GFOD1: variants seen among roughly 807,000 people sequenced by gnomAD.
GFOD1 encodes glucose-fructose oxidoreductase domain-containing protein 1.
Under a neutral mutation model 25.4 loss-of-function variants are expected in GFOD1, and 9 were observed. The observed-to-expected ratio is 0.35, with a 90% CI of 0.21 to 0.62. The LOEUF is 0.62. Ranked by LOEUF, GFOD1 falls within the 20% of genes least tolerant of loss-of-function variation. The pLI is 0.72. For synonymous variants in GFOD1, 253 were observed against 245.6 expected (o/e 1.03, Z -0.28); for missense variants, 403 against 556.9 (o/e 0.72, Z 2.78).
intron 1 of GFOD1, among the ~76,000 whole-genome samples, chr6:13,431,452 G>A (rs936727955): frequency 2.5e-4 from 38 of 152,124 alleles, no homozygotes; most frequent in African/African-American, 8.5e-4. Flanking sequence ...TTGACTAGCC[G>A]CACTTTCACA....
At position 13,360,814 on chromosome 6, in the gene GFOD1, C is replaced by T. The variant is rs781433489; in HGVS notation, c.*3929G>A. 4.4e-6 allele frequency: 2 copies of T among 456,672 alleles called. No individual in the cohort carries two copies. Among genetic ancestry groups the T allele is most frequent in the South Asian group, 3.1e-5 (2 of 64,558 alleles). 28.3% of individuals were successfully genotyped at this position (456,672 alleles called of 1,614,324 possible). Reference sequence around the variant, plus strand: ...AGTCCTTCCTGGGTGTGAGAGCAGACCCCGTAGACATTGATAAGGAGCGGT... The same window carrying T: ...AGTCCTTCCTGGGTGTGAGAGCAGATCCCGTAGACATTGATAAGGAGCGGT... On this transcript the variant is annotated 3_prime_UTR_variant, in exon 2 of 2. Transcript: ENST00000379287.
At chr6:13,433,519 T>C (rs985570276) in intron 1 of GFOD1, among the ~76,000 whole-genome samples, 4 of 152,156 alleles carry the variant, frequency 2.6e-5, no homozygotes, top group South Asian at 2.1e-4. Flanking sequence ...AGCTCCTCAA[T>C]TGGGACAACC....
intron 1 of GFOD1, among the ~76,000 whole-genome samples, chr6:13,403,188 C>T (rs1206839275): frequency 8.0e-5 from 12 of 149,228 alleles, no homozygotes; most frequent in Non-Finnish European, 1.8e-4. Flanking sequence ...TACAGTGGTG[C>T]GAACTCAGCT....
intron 1 of GFOD1, among the ~76,000 whole-genome samples, chr6:13,481,642 C>A (rs551921401): frequency 6.1e-4 from 93 of 152,296 alleles, no homozygotes; most frequent in African/African-American, 2.1e-3. Flanking sequence ...GAGTAGACTG[C>A]ATAAGAAACA....
Position 13,365,499 on chromosome 6 carries a change from G to A in GFOD1, c.417C>T (p.Tyr139=), listed in dbSNP as rs1236597496. 7 of 1,612,940 alleles carry A rather than the reference G, an allele frequency of 4.3e-6. No individual in the cohort carries two copies. The East Asian group carries it at 1.1e-4, about 26-fold the overall frequency. Residue 139 remains tyrosine, a synonymous_variant, in exon 2 of 2, where the codon TAC becomes TAT. Coordinates refer to ENST00000379287, the MANE Select transcript of GFOD1 (RefSeq NM_018988.4). This position sits in a 1 kb window ranked among gnomAD's most constrained non-coding sequence, Gnocchi z 9.2. ...CCTCACACACCAGCGGCTCGCCCAC[G>A]TAGCCCTCCTCGATCAGCTGCTTCA... ...VRMKQLIEEG[Y]VGEPLVCEVQ...
intron 1 of GFOD1, among the ~76,000 whole-genome samples, chr6:13,459,872 A>G (rs9382114): frequency 0.83 from 125,875 of 152,186 alleles, 52,215 homozygotes; most frequent in Middle Eastern, 0.87. Flanking sequence ...GGTGGCTCAC[A>G]CCTGTAATCC....
intron 1 of GFOD1, among the ~76,000 whole-genome samples, chr6:13,429,587 C>T (rs1757713824): frequency 6.6e-6 from 1 of 152,156 alleles, no homozygotes; most frequent in Non-Finnish European, 1.5e-5. Context: ...AGGTAGTGCC[C>T]TGAGCACAGC....
intron 1 of GFOD1, among the ~76,000 whole-genome samples, chr6:13,378,645 G>A (rs1785301338): frequency 6.6e-6 from 1 of 152,106 alleles, no homozygotes; most frequent in African/African-American, 2.4e-5. Flanking sequence ...GTCCTCCCAG[G>A]GCCCCAGCCT....
At chr6:13,383,438 C>T (rs1251750011) in intron 1 of GFOD1, among the ~76,000 whole-genome samples, 2 of 152,230 alleles carry the variant, frequency 1.3e-5, no homozygotes, top group African/African-American at 4.8e-5. Flanking sequence ...CACTGAGTTA[C>T]ACAAGATTCC....
Position 13,430,844 on chromosome 6 carries a change from C to A in GFOD1, c.253+55794G>T, listed in dbSNP as rs549393492. 6.6e-6 allele frequency among the ~76,000 whole-genome samples: 1 copy of A among 152,312 alleles called. No individual in the cohort carries two copies. The highest frequency in any genetic ancestry group is 1.9e-4 in the East Asian group (1 of 5,178). ...ACCCTCTCTTTCTCCAGGACTCCCT[C>A]CCATCAGGATACCTACCTGAGGACA... On this transcript the variant is annotated intron_variant, in intron 1 of 1. Transcript: ENST00000379287. The surrounding 1 kb of genome is among the most constrained non-coding windows in gnomAD (Gnocchi z 4.1).
chr6:13,411,741 G>A (rs1291538649), intron 1 of GFOD1, among the ~76,000 whole-genome samples: 2 of 152,172 alleles, frequency 1.3e-5, no homozygotes, highest in South Asian at 2.1e-4. Context: ...AGTCAGAGGC[G>A]GGAAGGAGCA....
chr6:13,484,891 G>A (rs142443547), intron 1 of GFOD1, among the ~76,000 whole-genome samples: 5 of 152,152 alleles, frequency 3.3e-5, no homozygotes, highest in African/African-American at 1.2e-4. Flanking sequence ...TTTCAGATAT[G>A]ACCAGTCCTA....
rs1466303327 is a variant in GFOD1 at position 13,361,622 on chromosome 6, A to G, written c.*3121T>C. The G allele has an allele frequency of 6.6e-6, 1 of 152,234 alleles. No individual in the cohort carries two copies. The highest frequency in any genetic ancestry group is 1.5e-5 in the Non-Finnish European group (1 of 68,060). 9.4% of individuals were successfully genotyped at this position (152,234 alleles called of 1,614,324 possible). Reference sequence around the variant, plus strand: ...ATTTCAGCTTCATATAGCTACCCCAAATCAAGTCTTTGCATGTGGTGGGAT... The same window carrying G: ...ATTTCAGCTTCATATAGCTACCCCAGATCAAGTCTTTGCATGTGGTGGGAT... On this transcript the variant is annotated 3_prime_UTR_variant, in exon 2 of 2. Coordinates refer to ENST00000379287, the MANE Select transcript of GFOD1 (RefSeq NM_018988.4).
At position 13,465,552 on chromosome 6, in the gene GFOD1, G is replaced by A. The variant is rs368482701; in HGVS notation, c.253+21086C>T. Reference sequence around the variant, plus strand: ...CTGTAAACAAGTGCTTCTTAACATTGAGGAGCTTTAAAAAACATGTATACC... The same window carrying A: ...CTGTAAACAAGTGCTTCTTAACATTAAGGAGCTTTAAAAAACATGTATACC... On this transcript the variant is annotated intron_variant, in intron 1 of 1. Coordinates refer to ENST00000379287, the MANE Select transcript of GFOD1 (RefSeq NM_018988.4). Among the ~76,000 whole-genome samples the A allele has an allele frequency of 1.9e-4, 29 of 152,300 alleles. 1 individual carries two copies. The highest frequency in any genetic ancestry group is 7.0e-4 in the African/African-American group (29 of 41,556).
At chr6:13,419,091 A>C (rs1025889160) in intron 1 of GFOD1, among the ~76,000 whole-genome samples, 9 of 152,220 alleles carry the variant, frequency 5.9e-5, no homozygotes, top group African/African-American at 2.2e-4. Flanking sequence ...ATGGAGGAGA[A>C]GAAGCAGATG....
chr6:13,475,586 C>T (rs1237703139), intron 1 of GFOD1, among the ~76,000 whole-genome samples: 1 of 151,064 alleles, frequency 6.6e-6, no homozygotes, highest in Non-Finnish European at 1.5e-5. Flanking sequence ...GGTGTGGTGA[C>T]GGATGCCTGT....
intron 1 of GFOD1, among the ~76,000 whole-genome samples, chr6:13,436,498 C>A (rs1485085807): frequency 6.6e-6 from 1 of 152,184 alleles, no homozygotes; most frequent in Non-Finnish European, 1.5e-5. Context: ...GAGATCTTTC[C>A]ATATCAGCAT....
At chr6:13,448,083 C>T (rs907655922) in intron 1 of GFOD1, among the ~76,000 whole-genome samples, 14 of 151,998 alleles carry the variant, frequency 9.2e-5, no homozygotes, top group South Asian at 2.1e-4. Context: ...AGGGGGCACT[C>T]GTGGTGCCCT....
At chr6:13,394,254 T>G (rs1250983127) in intron 1 of GFOD1, among the ~76,000 whole-genome samples, 1 of 152,168 alleles carries the variant, frequency 6.6e-6, no homozygotes. Context: ...ATATGACAAG[T>G]TAGACAAAAA....
Sources: allele counts gnomAD v4.1 joint callset (sites outside exome capture counted in the v4.1 genomes callset), GRCh38; gene constraint gnomAD v4.1.1; non-coding constraint Gnocchi (gnomAD v3.1); transcripts MANE v1.5; gene names NCBI Gene and HGNC (gene_info 2026-07-23, HGNC 2026-07-21).